The following MTO1 variants were observed in gnomAD, a reference collection of about 807,000 sequenced individuals.
The protein encoded by MTO1 is mitochondrial tRNA translation optimization 1, also known as 5-taurinomethyluridine-[tRNA] synthase subunit MTO1, mitochondrial.
Under a neutral mutation model 71.6 loss-of-function variants are expected in MTO1, and 46 were observed. That is an observed-to-expected ratio of 0.64 (90% CI 0.51 to 0.82). The LOEUF (loss-of-function observed/expected upper bound fraction) is 0.82. MTO1 is among the 40% of genes least tolerant of loss of function. The probability of loss-of-function intolerance (pLI) is 0.00; values close to 1 mark genes in which losing one functional copy is unlikely to be tolerated. For missense variants in MTO1, 773 were observed against 867.5 expected (o/e 0.89, Z 1.37); for synonymous variants, 297 against 312.1 (o/e 0.95, Z 0.51).
intron 4 of MTO1, among the ~76,000 whole-genome samples, chr6:73,476,242 C>A (rs1771315543): frequency 6.7e-6 from 1 of 149,676 alleles, no homozygotes; most frequent in Non-Finnish European, 1.5e-5. Context: ...GGCATGGTGG[C>A]TCATGCCTGT....
At chr6:73,478,568 T>C (rs1019612336) in intron 4 of MTO1, among the ~76,000 whole-genome samples, 3 of 152,158 alleles carry the variant, frequency 2.0e-5, no homozygotes, top group Non-Finnish European at 4.4e-5. Flanking sequence ...TGAGACAGAG[T>C]CTTGCCCAGG....
Position 73,482,070 on chromosome 6 carries a change from C to T in MTO1, c.1291C>T (p.Arg431Trp), listed in dbSNP as rs748328322. 3.1e-6 allele frequency: 5 copies of T among 1,614,108 alleles called. No homozygotes were observed. The East Asian group carries it at 6.7e-5, about 22-fold the overall frequency. Residue 431 changes from arginine (R) to tryptophan (W), a missense_variant, in exon 8 of 12, where the codon CGG (arginine) becomes TGG (tryptophan). By Grantham distance (101) the Arg-to-Trp change is moderately radical (BLOSUM62 -3). Coordinates refer to ENST00000498286, the MANE Select transcript of MTO1 (RefSeq NM_012123.4). ...GATAGCCGGAATCAACGCCAGTCTT[C>T]GGGTCAGTCGCAAGCCTCCCTTTGT... ...GVIAGINASLRVSRKPPFVVS... is the reference protein window; with the variant it reads ...GVIAGINASLWVSRKPPFVVS...
In MTO1 at chr6:73,461,958, C is replaced by G; in HGVS notation, c.104C>G (p.Pro35Arg). Residue 35 changes from proline (P) to arginine (R), a missense_variant, in exon 1 of 12, where the codon CCG becomes CGG. Physicochemically the swap from Pro to Arg is moderately radical, Grantham distance 103. Coordinates refer to ENST00000498286, the MANE Select transcript of MTO1 (RefSeq NM_012123.4). Reference protein sequence around the residue: ...LSSDSAAPRTPHFDVIVIGGG... With the variant: ...LSSDSAAPRTRHFDVIVIGGG... ...AGTGACAGCGCGGCGCCCCGGACTC[C>G]GCACTTCGACGTGATAGTCATTGGT... 1 of 1,614,226 alleles carries G rather than the reference C, an allele frequency of 6.2e-7. No homozygotes were observed. Among genetic ancestry groups the G allele is most frequent in the Non-Finnish European group, 8.5e-7 (1 of 1,180,044 alleles).
intron 11 of MTO1, among the ~76,000 whole-genome samples, chr6:73,499,561 T>G (rs1204399253): frequency 6.6e-6 from 1 of 151,212 alleles, no homozygotes; most frequent in Non-Finnish European, 1.5e-5. Context: ...AAATGTAAAA[T>G]TCAGTTCCTC....
intron 4 of MTO1, among the ~76,000 whole-genome samples, chr6:73,475,948 C>T (rs1771302571): frequency 1.3e-5 from 2 of 152,138 alleles, no homozygotes; most frequent in South Asian, 4.1e-4. Context: ...GGCAGCCGCC[C>T]CCTTGCCCAT....
At chr6:73,497,170 T>TTTTTTTTTTTTTTTA in intron 10 of MTO1, among the ~76,000 whole-genome samples, 2 of 140,318 alleles carry the variant, frequency 1.4e-5, no homozygotes, top group African/African-American at 5.3e-5. Context: ...TTTTTTTTTT[T>TTTTTTTTTTTTTTTA]GAGACAGAGT....
intron 3 of MTO1, among the ~76,000 whole-genome samples, chr6:73,467,890 G>A (rs548417994): frequency 6.6e-5 from 10 of 151,922 alleles, no homozygotes; most frequent in African/African-American, 1.2e-4. Context: ...GTGCGATATC[G>A]GCTCACCACA....
chr6:73,481,263 A>T (rs1489824652), intron 7 of MTO1: 1 of 165,744 alleles, frequency 6.0e-6, no homozygotes, highest in Non-Finnish European at 1.3e-5. Context: ...CAATAATAGG[A>T]TTATTAAAAC....
chr6:73,500,482 A>AACTAT (rs1211533214), intron 11 of MTO1, 92 bp from the exon 12 acceptor site: 11 of 994,782 alleles, frequency 1.1e-5, no homozygotes, highest in Middle Eastern at 2.3e-4. Flanking sequence ...ATATTGTATA[A>AACTAT]ACTATACTAT....
chr6:73,509,012 C>T lies in MTO1; in HGVS notation c.*8277C>T. 1 of 152,218 alleles carries T rather than the reference C, an allele frequency of 6.6e-6. No homozygotes were observed. Among genetic ancestry groups the T allele is most frequent in the East Asian group, 1.9e-4 (1 of 5,204 alleles). The allele number at this position is 152,218 out of a possible 1,614,324, so 9.4% of individuals were successfully genotyped here. A position where few individuals can be genotyped will look rare whatever the true frequency, so the allele number is the denominator to read the frequency against. ...GAGAACCAGTTCCTCAGTTTGCATG[C>T]CTCCAGACAGCACTAGAAGTCAAAC... On this transcript the variant is annotated 3_prime_UTR_variant, in exon 12 of 12. Transcript: ENST00000498286.
chr6:73,461,953 G>A lies in MTO1; in HGVS notation c.99G>A (p.Arg33=). Residue 33 remains arginine, a synonymous_variant, in exon 1 of 12, where the codon CGG becomes CGA. Transcript: ENST00000498286. ...TGAGCAGTGACAGCGCGGCGCCCCG[G>A]ACTCCGCACTTCGACGTGATAGTCA... The part of the protein sequence containing the change: ...ARLSSDSAAP[R]TPHFDVIVIG... 3 of 1,614,258 alleles carry A rather than the reference G, an allele frequency of 1.9e-6. No individual in the cohort carries two copies. In the South Asian group the frequency reaches 3.3e-5, roughly 18 times the overall value.
intron 4 of MTO1, among the ~76,000 whole-genome samples, chr6:73,475,512 C>CTTT (rs111808691): frequency 7.2e-6 from 1 of 139,324 alleles, no homozygotes; most frequent in African/African-American, 2.6e-5. Context: ...GTCTTGAACT[C>CTTT]TTTTTTTTTT....
chr6:73,462,108 C>A, intron 1 of MTO1, 37 bp downstream of exon 1: 2 of 1,597,790 alleles, frequency 1.3e-6, no homozygotes, highest in South Asian at 1.1e-5. Context: ...TGGCGTAGGA[C>A]GCAGGCTGCT....
At chr6:73,466,106 CATATG>C in intron 1 of MTO1, 98 bp from the exon 2 acceptor site, 1 of 1,043,510 alleles carries the variant, frequency 9.6e-7, no homozygotes, top group Non-Finnish European at 1.4e-6. Context: ...TATTTTTTAT[CATATG>C]AGATGATTAT....
chr6:73,484,132 A>C (rs1002850994), intron 9 of MTO1, among the ~76,000 whole-genome samples: 1 of 152,140 alleles, frequency 6.6e-6, no homozygotes, highest in Non-Finnish European at 1.5e-5. Context: ...GCAATGAAAC[A>C]GATTTTTAAT....
At chr6:73,484,195 G>T (rs1185319532) in intron 9 of MTO1, among the ~76,000 whole-genome samples, 22 of 152,150 alleles carry the variant, frequency 1.4e-4, no homozygotes, top group Admixed American at 1.4e-3. Context: ...CATATCAGGG[G>T]ATCTCATTCA....
rs1772231087 is a variant in MTO1, at chr6:73,504,319, T to TG, written c.*3588dup. 1 of 152,144 alleles carries TG rather than the reference T, an allele frequency of 6.6e-6. No homozygotes were observed. Among genetic ancestry groups the TG allele is most frequent in the African/African-American group, 2.4e-5 (1 of 41,416 alleles). The allele number at this position is 152,144 out of a possible 1,614,324, so 9.4% of individuals were successfully genotyped here. On this transcript the variant is annotated 3_prime_UTR_variant, in exon 12 of 12. Transcript: ENST00000498286. ...GCTAATTTTTAAGTTTTTGTAGATA[T>TG]GGGGTCTTACTATGTTGCCCAGGCT...
intron 10 of MTO1, among the ~76,000 whole-genome samples, chr6:73,493,802 T>C (rs1487519254): frequency 2.0e-5 from 3 of 152,172 alleles, no homozygotes; most frequent in Admixed American, 2.0e-4. Flanking sequence ...TTTGACAGTA[T>C]ACTGAAATAC....
rs1469411636 is a variant in MTO1, at chr6:73,466,320, A to C, written c.329A>C (p.His110Pro). 5 of 1,614,068 alleles carry C rather than the reference A, an allele frequency of 3.1e-6. No homozygotes were observed. The highest frequency in any genetic ancestry group is 1.7e-5 in the Admixed American group (1 of 59,972). ...CGCATCTGTGACCAGTCTGGTGTAC[A>C]TTATAAAGTATTAAACCGGCGTAAG... is the stretch of plus-strand genomic sequence containing the variant. ...CSRICDQSGV[H>P]YKVLNRRKGP... The change falls in exon 2 of 12, where the codon CAT becomes CCT. Residue 110 changes from histidine to proline, a missense_variant. Physicochemically the swap from His to Pro is moderately conservative, Grantham distance 77. Transcript: ENST00000498286.
Sources: gnomAD v4.1 joint callset for allele counts (sites outside exome capture counted in the v4.1 genomes callset) on GRCh38, gnomAD v4.1.1 for gene constraint, MANE v1.5 for transcripts, NCBI Gene and HGNC (gene_info 2026-07-23, HGNC 2026-07-21) for gene names.